The following DLGAP2 variants were observed in gnomAD, a reference collection of about 807,000 sequenced individuals.
DLGAP2 encodes the protein DLG associated protein 2.
Under a neutral mutation model 100.3 loss-of-function variants are expected in DLGAP2, and 26 were observed. That is an observed-to-expected ratio of 0.26 (90% CI 0.19 to 0.36). DLGAP2 has a LOEUF of 0.36. Among genes scored for constraint, DLGAP2 ranks in the 10% least tolerant of loss-of-function variants. The pLI, the probability that DLGAP2 is intolerant of heterozygous loss-of-function variation, is 1.00. For missense variants in DLGAP2, 1,858 were observed against 1,453.2 expected (o/e 1.28, Z -4.53); for synonymous variants, 886 against 630.1 (o/e 1.41, Z -6.08).
At chr8:1,470,468 C>T (rs1798749049) in intron 3 of DLGAP2, among the ~76,000 whole-genome samples, 2 of 152,112 alleles carry the variant, frequency 1.3e-5, no homozygotes, top group South Asian at 2.1e-4. Flanking sequence ...GAAATCCCTC[C>T]CGCCACCTGC....
chr8:1,233,867 C>T (rs1468674603), intron 2 of DLGAP2, among the ~76,000 whole-genome samples: 1 of 152,158 alleles, frequency 6.6e-6, no homozygotes, highest in African/African-American at 2.4e-5. Flanking sequence ...CTGTCCTCTA[C>T]ACATGATAGT....
At chr8:853,672 G>T (rs773286580) in intron 1 of DLGAP2, among the ~76,000 whole-genome samples, 48 of 152,212 alleles carry the variant, frequency 3.2e-4, no homozygotes, top group Non-Finnish European at 6.3e-4. Context: ...CAGGCCTGCA[G>T]CCACACCGCC....
At chr8:1,424,625 C>T (rs1403557120) in intron 3 of DLGAP2, among the ~76,000 whole-genome samples, 1 of 152,090 alleles carries the variant, frequency 6.6e-6, no homozygotes, top group Non-Finnish European at 1.5e-5. Context: ...GAGTCAGATG[C>T]ACAGACAGAA....
At chr8:994,137 A>G (rs1472129690) in intron 2 of DLGAP2, among the ~76,000 whole-genome samples, 6 of 152,122 alleles carry the variant, frequency 3.9e-5, no homozygotes, top group Non-Finnish European at 8.8e-5. Flanking sequence ...ATTAGTGATT[A>G]TTATTGGGGA....
intron 1 of DLGAP2, among the ~76,000 whole-genome samples, chr8:851,593 G>T (rs1388763052): frequency 6.6e-6 from 1 of 152,108 alleles, no homozygotes; most frequent in Non-Finnish European, 1.5e-5. Flanking sequence ...TTAGTTCCTG[G>T]GATTTGTGGA....
At chr8:1,499,472 C>T (rs947038011) in intron 3 of DLGAP2, among the ~76,000 whole-genome samples, 2 of 152,188 alleles carry the variant, frequency 1.3e-5, no homozygotes, top group Non-Finnish European at 2.9e-5. Context: ...CGATGGTCTC[C>T]ATGGAAACTG....
At chr8:1,673,823 C>G (rs1798747290) in intron 10 of DLGAP2, among the ~76,000 whole-genome samples, 1 of 152,126 alleles carries the variant, frequency 6.6e-6, no homozygotes, top group South Asian at 2.1e-4. Context: ...TTTTCAAATT[C>G]ACTATAAAAA....
intron 1 of DLGAP2, among the ~76,000 whole-genome samples, chr8:761,729 GAGCC>G (rs1821089239): frequency 6.6e-6 from 1 of 152,178 alleles, no homozygotes; most frequent in African/African-American, 2.4e-5. Flanking sequence ...CCGAAACGCG[GAGCC>G]AGCTCCCTCT....
chr8:780,148 C>T (rs1309169182), intron 1 of DLGAP2, among the ~76,000 whole-genome samples: 4 of 152,264 alleles, frequency 2.6e-5, no homozygotes, highest in Admixed American at 6.5e-5. Context: ...TCCTCATCCC[C>T]GCCAACCCCA....
chr8:1,513,931 C>G (rs1382926052), intron 4 of DLGAP2, among the ~76,000 whole-genome samples: 1 of 152,218 alleles, frequency 6.6e-6, no homozygotes, highest in Non-Finnish European at 1.5e-5. Flanking sequence ...TTTACTGAAA[C>G]CCTGCTGCCT....
chr8:1,639,495 G>C (rs1364951738), intron 8 of DLGAP2, among the ~76,000 whole-genome samples: 2 of 152,204 alleles, frequency 1.3e-5, no homozygotes, highest in Non-Finnish European at 2.9e-5. Flanking sequence ...CCAGGTTCCT[G>C]GTGTCCATAA....
chr8:1,478,951 G>A (rs766399694), intron 3 of DLGAP2, among the ~76,000 whole-genome samples: 20 of 152,240 alleles, frequency 1.3e-4, no homozygotes, highest in African/African-American at 3.1e-4. Flanking sequence ...AGGCTGCAGC[G>A]TTAGCCACAT....
chr8:1,205,645 C>T (rs1445047226), intron 2 of DLGAP2, among the ~76,000 whole-genome samples: 1 of 152,070 alleles, frequency 6.6e-6, no homozygotes, highest in African/African-American at 2.4e-5. Flanking sequence ...CAGCTCGCCT[C>T]GGGAAAGGCA....
At chr8:1,609,050 A>G (rs1419734213) in intron 6 of DLGAP2, among the ~76,000 whole-genome samples, 1 of 144,042 alleles carries the variant, frequency 6.9e-6, no homozygotes, top group Non-Finnish European at 1.5e-5. Context: ...CGCCACAAAG[A>G]TACTCCTCGA....
intron 1 of DLGAP2, among the ~76,000 whole-genome samples, chr8:893,344 C>A (rs1798075141): frequency 6.6e-6 from 1 of 152,194 alleles, no homozygotes; most frequent in Admixed American, 6.5e-5. Flanking sequence ...CTGCTGGGTG[C>A]CTTTTGACCC....
chr8:1,376,289 A>G (rs1047095851), intron 3 of DLGAP2, among the ~76,000 whole-genome samples: 1 of 152,228 alleles, frequency 6.6e-6, no homozygotes, highest in Non-Finnish European at 1.5e-5. Flanking sequence ...CTAGGAGACA[A>G]ACCAGGTCTC....
chr8:1,302,925 G>C (rs904760430), intron 3 of DLGAP2, among the ~76,000 whole-genome samples: 30 of 152,180 alleles, frequency 2.0e-4, no homozygotes, highest in African/African-American at 6.8e-4. Flanking sequence ...CCGTGCTTTT[G>C]GTAGATTCAG....
rs1456105352 is a variant in DLGAP2, at chr8:1,681,473, AAAAAAT to A, written c.2704+2847_2704+2852del. 3.3e-5 allele frequency among the ~76,000 whole-genome samples: 5 copies of A among 152,154 alleles called. No individual in the cohort carries two copies. In the East Asian group the frequency reaches 5.8e-4, roughly 18 times the overall value. The stretch of plus-strand genomic sequence containing the variant: ...CACAGTGAGACCTTGTCTCTACCAA[AAAAAAT>A]AATAATAATAATAATTAACATTTTA... On this transcript the variant is annotated intron_variant, in intron 12 of 14. Coordinates refer to ENST00000637795, the MANE Select transcript of DLGAP2 (RefSeq NM_001346810.2).
At chr8:1,456,255 C>A (rs1477801526) in intron 3 of DLGAP2, among the ~76,000 whole-genome samples, 1 of 152,212 alleles carries the variant, frequency 6.6e-6, no homozygotes, top group African/African-American at 2.4e-5. Context: ...ACGCTGCCTT[C>A]CTCATTGGCA....
Sources: allele counts gnomAD v4.1 joint callset (sites outside exome capture counted in the v4.1 genomes callset), GRCh38; gene constraint gnomAD v4.1.1; transcripts MANE v1.5; gene names NCBI Gene and HGNC (gene_info 2026-07-23, HGNC 2026-07-21).